The following SUGCT variants were observed in gnomAD, a reference collection of about 807,000 sequenced individuals.
SUGCT encodes the protein succinyl-CoA:glutarate-CoA transferase.
A neutral mutation model predicts 55.0 loss-of-function variants in SUGCT; 41 were observed. That is an observed-to-expected ratio of 0.74 (90% CI 0.58 to 0.97). The LOEUF is 0.97. Among genes scored for constraint, SUGCT ranks in the 50% least tolerant of loss-of-function variants. The pLI, the probability that SUGCT is intolerant of heterozygous loss-of-function variation, is 0.00. For synonymous variants in SUGCT, 187 were observed against 200.4 expected (o/e 0.93, Z 0.56); for missense variants, 568 against 547.8 (o/e 1.04, Z -0.37).
chr7:40,374,820 G>A (rs1003755324), intron 9 of SUGCT, among the ~76,000 whole-genome samples: 6 of 152,144 alleles, frequency 3.9e-5, no homozygotes, highest in African/African-American at 1.4e-4. Context: ...TGAGACATAT[G>A]TGGGCGTGAG....
chr7:40,695,345 G>T (rs780041948), intron 12 of SUGCT, among the ~76,000 whole-genome samples: 1 of 151,666 alleles, frequency 6.6e-6, no homozygotes, highest in Non-Finnish European at 1.5e-5. Context: ...CCACAGGCAC[G>T]TGCCACCATG....
intron 12 of SUGCT, among the ~76,000 whole-genome samples, chr7:40,675,596 G>T (rs924837948): frequency 1.3e-5 from 2 of 152,174 alleles, no homozygotes; most frequent in Non-Finnish European, 2.9e-5. Flanking sequence ...AGCTACAGCT[G>T]GGGGTCAGAA....
At chr7:40,249,830 AGTC>A (rs1790238260) in intron 7 of SUGCT, among the ~76,000 whole-genome samples, 1 of 152,086 alleles carries the variant, frequency 6.6e-6, no homozygotes, top group South Asian at 2.1e-4. Flanking sequence ...TTTGTCGCCT[AGTC>A]TGGAGTGCAG....
intron 7 of SUGCT, among the ~76,000 whole-genome samples, chr7:40,257,943 G>T (rs577750024): frequency 6.6e-6 from 1 of 152,212 alleles, no homozygotes; most frequent in South Asian, 2.1e-4. Context: ...TTGGGATAAT[G>T]GTTTTAAATT....
intron 12 of SUGCT, among the ~76,000 whole-genome samples, chr7:40,723,857 C>T (rs983343915): frequency 1.4e-4 from 21 of 152,184 alleles, no homozygotes; most frequent in Admixed American, 5.9e-4. Context: ...TATGGGATCT[C>T]GTTCACCTCT....
chr7:40,688,672 T>G (rs1784564300), intron 12 of SUGCT, among the ~76,000 whole-genome samples: 1 of 152,006 alleles, frequency 6.6e-6, no homozygotes, highest in Admixed American at 6.6e-5. Flanking sequence ...ACACTAATAG[T>G]GTTTGGAATG....
intron 8 of SUGCT, among the ~76,000 whole-genome samples, chr7:40,284,136 G>T (rs1414751228): frequency 6.6e-5 from 10 of 151,588 alleles, no homozygotes; most frequent in Non-Finnish European, 1.3e-4. Flanking sequence ...GTTGCCAGGG[G>T]CTGGGGGTTG....
intron 11 of SUGCT, among the ~76,000 whole-genome samples, chr7:40,468,408 C>T (rs1790235472): frequency 6.6e-6 from 1 of 151,928 alleles, no homozygotes; most frequent in Admixed American, 6.6e-5. Context: ...TTCCTAAATC[C>T]TCAATTTTAT....
chr7:40,384,467 G>A (rs1785016783), intron 9 of SUGCT, among the ~76,000 whole-genome samples: 1 of 152,086 alleles, frequency 6.6e-6, no homozygotes, highest in Non-Finnish European at 1.5e-5. Flanking sequence ...TTAGATCACA[G>A]GTTCCCTGTG....
chr7:40,481,259 T>G (rs902297051), intron 11 of SUGCT, among the ~76,000 whole-genome samples: 1 of 151,964 alleles, frequency 6.6e-6, no homozygotes, highest in Admixed American at 6.6e-5. Flanking sequence ...GATCACTTGA[T>G]CCCAGGTGTT....
At chr7:40,593,355 C>T (rs752794299) in intron 12 of SUGCT, among the ~76,000 whole-genome samples, 1 of 152,058 alleles carries the variant, frequency 6.6e-6, no homozygotes, top group Non-Finnish European at 1.5e-5. Flanking sequence ...ATGGTCAAAC[C>T]GTATTATCCT....
chr7:40,890,279 A>G, the SUGCT span, among the ~76,000 whole-genome samples: 1 of 139,292 alleles, frequency 7.2e-6, no homozygotes, highest in Non-Finnish European at 1.5e-5. Context: ...ATATAAATTA[A>G]ATATTTATAT....
intron 6 of SUGCT, among the ~76,000 whole-genome samples, chr7:40,237,058 C>T (rs1422608555): frequency 4.6e-5 from 7 of 151,716 alleles, no homozygotes; most frequent in Non-Finnish European, 8.8e-5. Flanking sequence ...GTCTTGAACT[C>T]GTGACCTCAA....
intron 11 of SUGCT, among the ~76,000 whole-genome samples, chr7:40,470,662 C>T (rs930584166): frequency 8.5e-5 from 13 of 152,078 alleles, no homozygotes; most frequent in Non-Finnish European, 1.8e-4. Flanking sequence ...ATAGCACTCA[C>T]GGAATAATTG....
chr7:40,667,985 A>G (rs1801739598), intron 12 of SUGCT, among the ~76,000 whole-genome samples: 1 of 152,188 alleles, frequency 6.6e-6, no homozygotes, highest in Admixed American at 6.5e-5. Context: ...ATTTGATACC[A>G]AGAAACCTGA....
chr7:40,644,483 G>A (rs1170745817), intron 12 of SUGCT, among the ~76,000 whole-genome samples: 1 of 152,172 alleles, frequency 6.6e-6, no homozygotes, highest in Non-Finnish European at 1.5e-5. Context: ...GGGCCACCAT[G>A]GGTGGATCTA....
intron 3 of SUGCT, among the ~76,000 whole-genome samples, chr7:40,182,604 C>T (rs1296330860): frequency 6.6e-6 from 1 of 151,184 alleles, no homozygotes; most frequent in Non-Finnish European, 1.5e-5. Context: ...TGAGATGCAG[C>T]GTATAACAAC....
chr7:40,328,832 G>A (rs1048442049), intron 9 of SUGCT, among the ~76,000 whole-genome samples: 1 of 152,020 alleles, frequency 6.6e-6, no homozygotes, highest in Non-Finnish European at 1.5e-5. Context: ...CATTGTTGTC[G>A]TTCCTAGAAC....
chr7:40,812,960 A>G (rs1044617267), intron 13 of SUGCT, among the ~76,000 whole-genome samples: 9 of 151,982 alleles, frequency 5.9e-5, no homozygotes, highest in Non-Finnish European at 1.2e-4. Context: ...TTTCTGCCTT[A>G]ATTTCATTAT....
Sources: gnomAD v4.1 joint callset for allele counts (sites outside exome capture counted in the v4.1 genomes callset) on GRCh38, gnomAD v4.1.1 for gene constraint, MANE v1.5 for transcripts, NCBI Gene and HGNC (gene_info 2026-07-23, HGNC 2026-07-21) for gene names.